PCP4: variants seen among roughly 807,000 people sequenced by gnomAD.
PCP4 encodes Purkinje cell protein 4.
In PCP4, 8 loss-of-function variants were observed where a neutral mutation model predicts 10.0. The ratio of observed to expected loss-of-function variants is 0.80; its 90% CI spans 0.47 to 1.45. The LOEUF (loss-of-function observed/expected upper bound fraction) is 1.45, where lower values mean the gene tolerates loss of function less well. Ranked by LOEUF, PCP4 falls within the 40% of genes most tolerant of loss-of-function variation. PCP4 has a pLI of 0.00. For synonymous variants in PCP4, 21 were observed against 23.0 expected (o/e 0.91, Z 0.24); for missense variants, 54 against 74.4 (o/e 0.73, Z 1.01).
At chr21:39,903,598 G>C (rs533021921) in intron 2 of PCP4, among the ~76,000 whole-genome samples, 2 of 152,212 alleles carry the variant, frequency 1.3e-5, no homozygotes, top group African/African-American at 4.8e-5. Flanking sequence ...GCTGGGCGCG[G>C]TGGCTCACGC....
At chr21:39,910,760 G>T (rs1370595008) in intron 2 of PCP4, among the ~76,000 whole-genome samples, 1 of 152,202 alleles carries the variant, frequency 6.6e-6, no homozygotes, top group Non-Finnish European at 1.5e-5. Context: ...ACTGTTTTTA[G>T]GGTCTTCCTC....
At chr21:39,869,070 A>G (rs2087307336) in intron 1 of PCP4, among the ~76,000 whole-genome samples, 1 of 152,162 alleles carries the variant, frequency 6.6e-6, no homozygotes, top group Non-Finnish European at 1.5e-5. Flanking sequence ...ACAAGAAGGG[A>G]TGGCTGCGTG....
At chr21:39,874,774 C>T (rs969156650) in intron 1 of PCP4, among the ~76,000 whole-genome samples, 3 of 149,436 alleles carry the variant, frequency 2.0e-5, no homozygotes, top group African/African-American at 7.4e-5. Context: ...ATTTATGATT[C>T]TTATGTACAG....
chr21:39,904,358 G>C (rs946151798), intron 2 of PCP4, among the ~76,000 whole-genome samples: 1 of 152,094 alleles, frequency 6.6e-6, no homozygotes, highest in Non-Finnish European at 1.5e-5. Flanking sequence ...ATTTTGCTTA[G>C]GATATATTTT....
At chr21:39,877,564 G>A (rs1233167235) in intron 1 of PCP4, among the ~76,000 whole-genome samples, 1 of 151,956 alleles carries the variant, frequency 6.6e-6, no homozygotes, top group East Asian at 1.9e-4. Flanking sequence ...GGGTGTGGTG[G>A]TGCATTCCTG....
intron 1 of PCP4, among the ~76,000 whole-genome samples, chr21:39,884,380 T>C (rs1227961916): frequency 1.3e-5 from 2 of 151,664 alleles, no homozygotes; most frequent in Non-Finnish European, 2.9e-5. Flanking sequence ...GGTTTCACCA[T>C]GTTGGTCAGG....
At chr21:39,899,538 C>A (rs1342004178) in intron 2 of PCP4, among the ~76,000 whole-genome samples, 1 of 152,170 alleles carries the variant, frequency 6.6e-6, no homozygotes, top group African/African-American at 2.4e-5. Flanking sequence ...GCGTCTGCAG[C>A]CTGCCAATAT....
At chr21:39,875,404 A>G (rs1601170575) in intron 1 of PCP4, among the ~76,000 whole-genome samples, 1 of 152,162 alleles carries the variant, frequency 6.6e-6, no homozygotes, top group East Asian at 1.9e-4. Flanking sequence ...TGGTGCTGCC[A>G]CAAGTCTGCC....
intron 2 of PCP4, among the ~76,000 whole-genome samples, chr21:39,899,570 CT>C (rs2087473370): frequency 6.6e-6 from 1 of 152,112 alleles, no homozygotes; most frequent in South Asian, 2.1e-4. Context: ...TAGGGCAGTC[CT>C]ATTGGGCAGG....
At chr21:39,920,998 C>G (rs1470374465) in intron 2 of PCP4, among the ~76,000 whole-genome samples, 1 of 152,208 alleles carries the variant, frequency 6.6e-6, no homozygotes, top group Non-Finnish European at 1.5e-5. Context: ...AATTCTATTA[C>G]TTACTTGTGC....
chr21:39,923,170 C>G (rs1392424981), intron 2 of PCP4, among the ~76,000 whole-genome samples: 2 of 152,204 alleles, frequency 1.3e-5, no homozygotes, highest in Non-Finnish European at 2.9e-5. Flanking sequence ...TGGTGAAATA[C>G]TTCTTAAAAG....
At chr21:39,882,553 T>C (rs2087381110) in intron 1 of PCP4, among the ~76,000 whole-genome samples, 1 of 152,236 alleles carries the variant, frequency 6.6e-6, no homozygotes, top group East Asian at 1.9e-4. Context: ...AGACCCCATG[T>C]GGGTTTTCTG....
chr21:39,907,028 C>CTTT (rs1457733471), intron 2 of PCP4, among the ~76,000 whole-genome samples: 29 of 152,184 alleles, frequency 1.9e-4, no homozygotes, highest in East Asian at 1.7e-3. Context: ...GAAGCAAAAC[C>CTTT]CCACCTAGAT....
intron 2 of PCP4, among the ~76,000 whole-genome samples, chr21:39,927,345 CT>C (rs1221298982): frequency 1.1e-3 from 70 of 63,220 alleles, no homozygotes; most frequent in Non-Finnish European, 1.6e-3. Context: ...ATCTGTCTAT[CT>C]ATCTATCTAT....
chr21:39,888,362 T>C (rs747192366), intron 1 of PCP4, among the ~76,000 whole-genome samples: 11 of 152,228 alleles, frequency 7.2e-5, no homozygotes, highest in Non-Finnish European at 1.6e-4. Flanking sequence ...TTTCTTTTCA[T>C]AAACCACCCA....
At chr21:39,913,787 C>T (rs186302781) in intron 2 of PCP4, among the ~76,000 whole-genome samples, 5 of 152,244 alleles carry the variant, frequency 3.3e-5, no homozygotes, top group East Asian at 3.9e-4. Flanking sequence ...TTGTACCCCA[C>T]GTGAAATTCC....
chr21:39,920,381 TGTG>T lies in PCP4; in HGVS notation c.62-8599_62-8597del, dbSNP rs758755107. 2.5e-3 allele frequency among the ~76,000 whole-genome samples: 370 copies of T among 149,756 alleles called. 1 individual carries two copies. The highest frequency in any genetic ancestry group is 4.5e-3 in the Non-Finnish European group (305 of 67,366). On this transcript the variant is annotated intron_variant, in intron 2 of 2. Transcript: ENST00000328619. ...CATATGTGGTATGATGTGTGTTTGG[TGTG>T]GTGTGTGCGTGGTGTGTTTGTGTGA...
At chr21:39,878,324 T>A (rs957754205) in intron 1 of PCP4, among the ~76,000 whole-genome samples, 1 of 152,194 alleles carries the variant, frequency 6.6e-6, no homozygotes, top group African/African-American at 2.4e-5. Context: ...ACACATTGAT[T>A]GAAGAATAGC....
intron 1 of PCP4, among the ~76,000 whole-genome samples, chr21:39,873,173 G>A (rs1414735075): frequency 6.6e-6 from 1 of 152,136 alleles, no homozygotes; most frequent in Non-Finnish European, 1.5e-5. Context: ...ACCTTGGAAA[G>A]TGGTTTGCTG....
Sources: gnomAD v4.1 joint callset for allele counts (sites outside exome capture counted in the v4.1 genomes callset) on GRCh38, gnomAD v4.1.1 for gene constraint, MANE v1.5 for transcripts, NCBI Gene and HGNC (gene_info 2026-07-23, HGNC 2026-07-21) for gene names.